Variants in SLC22A24 observed in about 807,000 individuals in gnomAD.
SLC22A24 encodes the protein solute carrier family 22 member 24, also known as steroid transmembrane transporter SLC22A24.
Under a neutral mutation model 49.8 loss-of-function variants are expected in SLC22A24, and 53 were observed. The observed-to-expected ratio is 1.06, with a 90% CI of 0.85 to 1.34. SLC22A24 has a LOEUF of 1.34. Ranked by LOEUF, SLC22A24 falls within the 40% of genes most tolerant of loss-of-function variation. SLC22A24 has a pLI of 0.00. For missense variants in SLC22A24, 786 were observed against 675.9 expected, an observed-to-expected ratio of 1.16 and a Z score of -1.81; for synonymous variants, 302 against 256.4, an observed-to-expected ratio of 1.18 and a Z score of -1.70.
intron 2 of SLC22A24, among the ~76,000 whole-genome samples, chr11:63,133,650 TC>T (rs2087353227): frequency 6.6e-6 from 1 of 152,088 alleles, no homozygotes; most frequent in Non-Finnish European, 1.5e-5. Context: ...TTTTCTTTTT[TC>T]TTTTTTTTCA....
intron 5 of SLC22A24, among the ~76,000 whole-genome samples, chr11:63,098,454 G>C (rs548352809): frequency 5.8e-4 from 88 of 152,218 alleles, no homozygotes; most frequent in Non-Finnish European, 8.1e-4. Context: ...GCTCACTTGA[G>C]GTCAGGAGTG....
intron 4 of SLC22A24, among the ~76,000 whole-genome samples, chr11:63,113,783 G>A (rs6591748): frequency 0.71 from 106,874 of 150,154 alleles, 39,596 homozygotes; most frequent in East Asian, 0.9. Flanking sequence ...GAACCCAGGA[G>A]GCAGAGATTG....
At chr11:63,113,033 A>ATATATATATATATATATATAT (rs1362282788) in intron 4 of SLC22A24, among the ~76,000 whole-genome samples, 1 of 30,724 alleles carries the variant, frequency 3.3e-5, no homozygotes, top group East Asian at 1.1e-3. Flanking sequence ...AAAAAAAAAA[A>ATATATATATATATATATATAT]AAATATATAT....
At chr11:63,119,461 G>A (rs977368865) in intron 2 of SLC22A24, 126 bp from the exon 3 acceptor site, 45 of 901,770 alleles carry the variant, frequency 5.0e-5, no homozygotes, top group South Asian at 7.5e-5. Context: ...GCTTGACACC[G>A]GGTGGCATAA....
chr11:63,097,231 GA>G (rs5792276), intron 5 of SLC22A24, among the ~76,000 whole-genome samples: 114,456 of 149,920 alleles, frequency 0.76, 44,220 homozygotes, highest in East Asian at 0.9. Context: ...AAATTTACAA[GA>G]AAAAAAAAAC....
intron 5 of SLC22A24, among the ~76,000 whole-genome samples, chr11:63,100,597 C>T (rs2087084533): frequency 6.6e-6 from 1 of 151,988 alleles, no homozygotes; most frequent in Non-Finnish European, 1.5e-5. Flanking sequence ...CTTAGAATAG[C>T]CAAAGCTACT....
At chr11:63,129,810 T>C (rs2087320657) in intron 2 of SLC22A24, among the ~76,000 whole-genome samples, 1 of 152,200 alleles carries the variant, frequency 6.6e-6, no homozygotes, top group Non-Finnish European at 1.5e-5. Flanking sequence ...ATGCTTGTGA[T>C]TTTTCCACAT....
At chr11:63,105,417 G>C (rs1364226329) in intron 4 of SLC22A24, among the ~76,000 whole-genome samples, 1 of 152,140 alleles carries the variant, frequency 6.6e-6, no homozygotes, top group African/African-American at 2.4e-5. Context: ...CTGCCCCACA[G>C]AAAACTTCTT....
At position 63,119,343 on chromosome 11, in the gene SLC22A24, A is replaced by G. The variant is rs1459944072; in HGVS notation, c.507-8T>C. The G allele has an allele frequency of 1.3e-6, 2 of 1,515,542 alleles. No individual in the cohort carries two copies. Among genetic ancestry groups the G allele is most frequent in the Non-Finnish European group, 1.8e-6 (2 of 1,132,314 alleles). 93.9% of individuals were successfully genotyped at this position (1,515,542 alleles called of 1,614,324 possible). A position where few individuals can be genotyped will look rare whatever the true frequency, so the allele number is the denominator to read the frequency against. On this transcript the variant is annotated splice_polypyrimidine_tract_variant and splice_region_variant and intron_variant, in intron 2 of 9. Coordinates refer to ENST00000612278, the MANE Select transcript of SLC22A24 (RefSeq NM_001136506.2). ...ATGATCTTCCGTCCAACCCTAAGAA[A>G]TATTAAACCAGATAACGTTACTTAG...
chr11:63,127,291 C>A (rs1470649876), intron 2 of SLC22A24, among the ~76,000 whole-genome samples: 1 of 152,172 alleles, frequency 6.6e-6, no homozygotes, highest in African/African-American at 2.4e-5. Context: ...ATTCAAGTCC[C>A]TGCAAAGGAC....
chr11:63,118,928 G>A lies in SLC22A24; in HGVS notation c.814C>T (p.Leu272Phe), dbSNP rs1328696379. ...TGTTCATACCAAGAGGACAAGAAGA[G>A]GACAATTATGGGTGTAGACACAGTC... ...QLTVSTPIIV[L>F]FLSSWKMVES... Residue 272 changes from leucine (L) to phenylalanine (F), a missense_variant, in exon 4 of 10, where the codon CTC becomes TTC. Coordinates refer to ENST00000612278, the MANE Select transcript of SLC22A24 (RefSeq NM_001136506.2). 5 of 1,552,036 alleles carry A rather than the reference G, an allele frequency of 3.2e-6. No homozygotes were observed. The highest frequency in any genetic ancestry group is 2.4e-5 in the East Asian group (1 of 40,914).
At chr11:63,107,352 A>C (rs1380641817) in intron 4 of SLC22A24, among the ~76,000 whole-genome samples, 1 of 152,116 alleles carries the variant, frequency 6.6e-6, no homozygotes, top group Non-Finnish European at 1.5e-5. Context: ...GTGTAGTTTG[A>C]AGTCAGGTAG....
Position 63,143,546 on chromosome 11 carries a change from TG to T in SLC22A24, c.233del (p.Pro78HisfsTer6). ...TCTGTGGCCTCAGGTTTGAGTCCAG[TG>T]GGATGGAGATTCTCAGGAGGTCATC... ...SKDDLLRISIPLDSNLRPQKC... is the reference protein window; with the variant it reads ...SKDDLLRISIXLDSNLRPQKC... On this transcript the variant is annotated frameshift_variant, in exon 1 of 10. Transcript: ENST00000612278. LOFTEE classifies it high-confidence loss of function. The T allele has an allele frequency of 6.3e-7, 1 of 1,584,314 alleles. No individual in the cohort carries two copies. Among genetic ancestry groups the T allele is most frequent in the Non-Finnish European group, 8.6e-7 (1 of 1,167,220 alleles).
chr11:63,083,431 C>T lies in SLC22A24; in HGVS notation c.1097G>A (p.Gly366Asp). 1 of 1,551,072 alleles carries T rather than the reference C, an allele frequency of 6.4e-7. No homozygotes were observed. Reference protein sequence around the residue: ...VRFAITVPFYGLILNLQHLGS... With the variant: ...VRFAITVPFYDLILNLQHLGS... The stretch of plus-strand genomic sequence containing the variant: ...TAAGTGCTGCAAGTTGAGTATCAGG[C>T]CATAAAAGGGTACAGTGATTGCGAA... Residue 366 changes from glycine (G) to aspartate (D), a missense_variant, in exon 7 of 10, where the codon GGC becomes GAC. Transcript: ENST00000612278.
chr11:63,120,622 G>T (rs2087245128), intron 2 of SLC22A24, among the ~76,000 whole-genome samples: 1 of 151,996 alleles, frequency 6.6e-6, no homozygotes, highest in African/African-American at 2.4e-5. Context: ...TCACAGACTG[G>T]CAGGAAGGGC....
rs184329355 is a variant in SLC22A24 at position 63,125,361 on chromosome 11, T to C, written c.507-6026A>G. ...TGTGATGTTCCCCTCCCTGTGTCCA[T>C]GTGTTCTCATTGTTCAACTCCCACT... On this transcript the variant is annotated intron_variant, in intron 2 of 9. Coordinates refer to ENST00000612278, the MANE Select transcript of SLC22A24 (RefSeq NM_001136506.2). 9.6e-4 allele frequency among the ~76,000 whole-genome samples: 146 copies of C among 152,216 alleles called. 2 individuals are homozygous for C. The East Asian group carries it at 0.024, about 25-fold the overall frequency.
chr11:63,131,722 C>T (rs559173310), intron 2 of SLC22A24, among the ~76,000 whole-genome samples: 4 of 152,188 alleles, frequency 2.6e-5, no homozygotes, highest in Non-Finnish European at 5.9e-5. Flanking sequence ...TTTTTGTCTT[C>T]GTTTCTACCT....
chr11:63,083,518 T>C (rs2086971534), intron 6 of SLC22A24, 61 bp from the exon 7 acceptor site: 1 of 1,377,648 alleles, frequency 7.3e-7, no homozygotes, highest in Admixed American at 2.2e-5. Flanking sequence ...GGAAACATTT[T>C]CTGAGATTTT....
At chr11:63,083,143 A>G in intron 7 of SLC22A24, 100 bp downstream of exon 7, 1 of 927,312 alleles carries the variant, frequency 1.1e-6, no homozygotes, top group East Asian at 2.6e-5. Flanking sequence ...TTGGCTGTCA[A>G]GGGCAATGCT....
Sources: gnomAD v4.1 joint callset for allele counts (sites outside exome capture counted in the v4.1 genomes callset) on GRCh38, gnomAD v4.1.1 for gene constraint, MANE v1.5 for transcripts, NCBI Gene and HGNC (gene_info 2026-07-23, HGNC 2026-07-21) for gene names.